Variants in ACADL observed in about 807,000 individuals in gnomAD.
The protein encoded by ACADL is long-chain specific acyl-CoA dehydrogenase, mitochondrial.
ACADL carries 60 observed loss-of-function variants against 56.9 expected under a neutral mutation model. The ratio of observed to expected loss-of-function variants is 1.05; its 90% CI spans 0.86 to 1.31. The LOEUF is 1.31. Ranked by LOEUF, ACADL falls within the 50% of genes most tolerant of loss-of-function variation. ACADL has a pLI of 0.00. For synonymous variants in ACADL, 158 were observed against 179.7 expected (o/e 0.88, Z 0.97); for missense variants, 484 against 525.5 (o/e 0.92, Z 0.77).
intron 8 of ACADL, among the ~76,000 whole-genome samples, chr2:210,198,743 T>C (rs1007416375): frequency 6.6e-6 from 1 of 152,106 alleles, no homozygotes; most frequent in Non-Finnish European, 1.5e-5. Flanking sequence ...AATACTTATA[T>C]AGATTTGTGA....
In ACADL at chr2:210,218,083, C is replaced by T. The variant is rs886055551; in HGVS notation, c.253G>A (p.Val85Ile). 11 of 1,613,834 alleles carry T rather than the reference C, an allele frequency of 6.8e-6. No homozygotes were observed. Among genetic ancestry groups the T allele is most frequent in the Non-Finnish European group, 8.5e-6 (10 of 1,179,896 alleles). ...GCTTTTTCCCAAACCTCCCTACTTA[C>T]TTCTCCAGCTTTCTCCCATCTGCAA... is the stretch of plus-strand genomic sequence containing the variant. ...HHSEWEKAGE[V>I]SREVWEKAGK... The change falls in exon 3 of 11, where the codon GTA becomes ATA. Residue 85 changes from valine (V) to isoleucine (I), a missense_variant. Val to Ile is a conservative substitution (Grantham distance 29). Coordinates refer to ENST00000233710, the MANE Select transcript of ACADL (RefSeq NM_001608.4).
At chr2:210,211,055 A>G (rs894903264) in intron 4 of ACADL, among the ~76,000 whole-genome samples, 3 of 152,256 alleles carry the variant, frequency 2.0e-5, no homozygotes, top group African/African-American at 4.8e-5. Flanking sequence ...TAAATAAAAT[A>G]TTAAGAACAC....
chr2:210,210,470 G>A (rs1378848595), intron 4 of ACADL, among the ~76,000 whole-genome samples: 1 of 152,174 alleles, frequency 6.6e-6, no homozygotes, highest in Admixed American at 6.5e-5. Flanking sequence ...ATATGATTAA[G>A]ATTTATTATA....
At chr2:210,194,011 A>G (rs1688673112) in intron 9 of ACADL, among the ~76,000 whole-genome samples, 1 of 152,160 alleles carries the variant, frequency 6.6e-6, no homozygotes, top group African/African-American at 2.4e-5. Context: ...GGATTTCTCT[A>G]ATTTTTTATA....
chr2:210,215,949 A>G (rs1423178636), intron 4 of ACADL, among the ~76,000 whole-genome samples: 1 of 152,182 alleles, frequency 6.6e-6, no homozygotes, highest in African/African-American at 2.4e-5. Context: ...AAATAACTGA[A>G]TATGTGATCT....
At chr2:210,192,509 A>C (rs1445015041) in intron 10 of ACADL, among the ~76,000 whole-genome samples, 6 of 152,110 alleles carry the variant, frequency 3.9e-5, no homozygotes, top group East Asian at 1.9e-4. Flanking sequence ...AAAAATAAAA[A>C]AATTAAAAAA....
At chr2:210,214,492 A>AAAGAAAGAAAGAAAGAAAGT (rs1384606202) in intron 4 of ACADL, among the ~76,000 whole-genome samples, 8 of 150,186 alleles carry the variant, frequency 5.3e-5, no homozygotes, top group Non-Finnish European at 1.0e-4. Context: ...AGAAAGAAAG[A>AAAGAAAGAAAGAAAGAAAGT]AAGAAAGAAA....
intron 4 of ACADL, among the ~76,000 whole-genome samples, chr2:210,215,135 A>C (rs1241105366): frequency 6.6e-6 from 1 of 152,150 alleles, no homozygotes; most frequent in Non-Finnish European, 1.5e-5. Context: ...CTTTCTGTTG[A>C]CCCACAAGTT....
At chr2:210,197,656 A>G (rs1458927670) in intron 8 of ACADL, among the ~76,000 whole-genome samples, 2 of 152,222 alleles carry the variant, frequency 1.3e-5, no homozygotes, top group Non-Finnish European at 2.9e-5. Flanking sequence ...ACAAGTCTCA[A>G]GATATTTTTT....
At chr2:210,189,402 T>C in intron 10 of ACADL, among the ~76,000 whole-genome samples, 1 of 152,178 alleles carries the variant, frequency 6.6e-6, no homozygotes, top group East Asian at 1.9e-4. Flanking sequence ...ACAGGATGTC[T>C]TAGTTTCTTT....
At chr2:210,209,965 A>C (rs1688951180) in intron 5 of ACADL, 1 of 454,736 alleles carries the variant, frequency 2.2e-6, no homozygotes, top group East Asian at 3.9e-5. Flanking sequence ...TTTGGAAGCT[A>C]AAACAACCTT....
At chr2:210,197,229 G>T (rs1688724770) in intron 8 of ACADL, among the ~76,000 whole-genome samples, 1 of 152,130 alleles carries the variant, frequency 6.6e-6, no homozygotes, top group South Asian at 2.1e-4. Context: ...AACAGAGAAT[G>T]TAACTGGCAT....
At position 210,225,230 on chromosome 2, in the gene ACADL, C is replaced by T; in HGVS notation, c.34G>A (p.Val12Ile). 5.8e-6 allele frequency: 9 copies of T among 1,553,680 alleles called. No homozygotes were observed. Among genetic ancestry groups the T allele is most frequent in the East Asian group, 2.4e-5 (1 of 41,502 alleles). The change falls in exon 1 of 11, where the codon GTC becomes ATC. Residue 12 changes from valine to isoleucine, a missense_variant. Val to Ile is a conservative substitution (Grantham distance 29). Transcript: ENST00000233710. ...AARLLRGSLR[V>I]LGGHRAPRQL... is the part of the protein sequence containing the mutation. ...CGCGGCGCACGGTGGCCGCCCAGGA[C>T]GCGTAGGGACCCTCGGAGAAGGCGT...
Position 210,192,866 on chromosome 2 carries a change from T to C in ACADL, c.1137A>G (p.Val379=). The C allele has an allele frequency of 6.2e-7, 1 of 1,613,866 alleles. No individual in the cohort carries two copies. The highest frequency in any genetic ancestry group is 8.5e-7 in the Non-Finnish European group (1 of 1,179,858). Residue 379 remains valine, a synonymous_variant, in exon 10 of 11, where the codon GTA becomes GTG. Coordinates refer to ENST00000233710, the MANE Select transcript of ACADL (RefSeq NM_001608.4). ...CATGGAGCTGTACACAGTCGTAAGC[T>C]ACACTATTTTGTAACTCAGATGCCC... ...KYWASELQNS[V]AYDCVQLHGG...
chr2:210,224,339 C>A, intron 1 of ACADL: 2 of 959,546 alleles, frequency 2.1e-6, no homozygotes, highest in Non-Finnish European at 2.5e-6. Flanking sequence ...CTTCCCAAAT[C>A]TCCCCAGGAA....
Position 210,202,573 on chromosome 2 carries a change from C to G in ACADL, c.984+758G>C, listed in dbSNP as rs11901653. On this transcript the variant is annotated intron_variant, in intron 8 of 10. Coordinates refer to ENST00000233710, the MANE Select transcript of ACADL (RefSeq NM_001608.4). ...CCATGTGTCAGCATCCACAAACTCACCCTTTCTCAAAGACCTTACGCAGTT... is the reference window on the plus strand; with the variant it reads ...CCATGTGTCAGCATCCACAAACTCAGCCTTTCTCAAAGACCTTACGCAGTT... Among the ~76,000 whole-genome samples, 1,085 of 152,224 alleles carry G rather than the reference C, an allele frequency of 7.1e-3. 11 individuals carry two copies. The highest frequency in any genetic ancestry group is 0.025 in the African/African-American group (1,039 of 41,532).
chr2:210,203,740 A>G (rs890760598), intron 7 of ACADL, among the ~76,000 whole-genome samples: 10 of 152,174 alleles, frequency 6.6e-5, no homozygotes, highest in Admixed American at 4.6e-4. Flanking sequence ...CAGTTGCACA[A>G]TCATAGTTCA....
chr2:210,224,425 C>T (rs1275660721), intron 1 of ACADL: 26 of 985,100 alleles, frequency 2.6e-5, no homozygotes, highest in Non-Finnish European at 3.0e-5. Context: ...GCAAATTTGC[C>T]AGTTCCTTCA....
chr2:210,207,015 A>G (rs772076333), intron 5 of ACADL, among the ~76,000 whole-genome samples: 3 of 152,100 alleles, frequency 2.0e-5, no homozygotes, highest in Non-Finnish European at 4.4e-5. Flanking sequence ...CTATTTCCCT[A>G]TCTCAATGAA....
Sources: gnomAD v4.1 joint callset for allele counts (sites outside exome capture counted in the v4.1 genomes callset) on GRCh38, gnomAD v4.1.1 for gene constraint, MANE v1.5 for transcripts, NCBI Gene and HGNC (gene_info 2026-07-23, HGNC 2026-07-21) for gene names.